CCNY: variants seen among roughly 807,000 people sequenced by gnomAD.
The protein encoded by CCNY is cyclin-Y.
In CCNY, 19 loss-of-function variants were observed where a neutral mutation model predicts 42.8. The ratio of observed to expected loss-of-function variants is 0.44; its 90% confidence interval spans 0.31 to 0.65. The LOEUF is 0.65. Among genes scored for constraint, CCNY ranks in the 30% least tolerant of loss-of-function variants. The pLI is 0.07. For synonymous variants in CCNY, 165 were observed against 162.7 expected (o/e 1.01, Z -0.11); for missense variants, 370 against 437.3 (o/e 0.85, Z 1.37).
intron 2 of CCNY, among the ~76,000 whole-genome samples, chr10:35,497,726 CAAAAAAAAA>C (rs34502756): frequency 2.7e-5 from 2 of 73,588 alleles, no homozygotes; most frequent in African/African-American, 9.8e-5. Flanking sequence ...GACTCCGTCT[CAAAAAAAAA>C]AAAAAAAAAA....
intron 3 of CCNY, among the ~76,000 whole-genome samples, chr10:35,321,709 T>C (rs1302333747): frequency 6.6e-6 from 1 of 152,144 alleles, no homozygotes; most frequent in African/African-American, 2.4e-5. Context: ...GGCACTTACA[T>C]AACTTATTCT....
intron 1 of CCNY, among the ~76,000 whole-genome samples, chr10:35,426,105 G>GCACACACACACA (rs1356511719): frequency 3.5e-5 from 2 of 57,970 alleles, no homozygotes; most frequent in African/African-American, 4.8e-5. Context: ...CACTGGTCCA[G>GCACACACACACA]CACGCGCACA....
intron 3 of CCNY, among the ~76,000 whole-genome samples, chr10:35,267,037 G>A (rs2095726240): frequency 2.0e-5 from 3 of 150,610 alleles, no homozygotes; most frequent in Non-Finnish European, 1.5e-5. Flanking sequence ...AGCTGAGATC[G>A]TGCCATTGCA....
chr10:35,273,023 G>A (rs1354711744), intron 3 of CCNY, among the ~76,000 whole-genome samples: 3 of 151,696 alleles, frequency 2.0e-5, no homozygotes, highest in African/African-American at 7.3e-5. Flanking sequence ...ATGATCAGTG[G>A]TGTTGAGCTT....
intron 7 of CCNY, among the ~76,000 whole-genome samples, chr10:35,549,641 C>T (rs1589198792): frequency 7.0e-6 from 1 of 143,484 alleles, no homozygotes; most frequent in Admixed American, 6.8e-5. Context: ...GCTCGTGACC[C>T]TGCGCTGCTC....
At chr10:35,466,747 C>T (rs897720532) in intron 1 of CCNY, among the ~76,000 whole-genome samples, 2 of 152,048 alleles carry the variant, frequency 1.3e-5, no homozygotes, top group Non-Finnish European at 2.9e-5. Context: ...CTGGCAAAGC[C>T]GCAACTAAAT....
At chr10:35,363,236 G>C (rs557171219) in intron 1 of CCNY, among the ~76,000 whole-genome samples, 42 of 146,378 alleles carry the variant, frequency 2.9e-4, no homozygotes, top group African/African-American at 1.1e-3. Context: ...TGGAGTGGCC[G>C]GCAGAGGCGC....
chr10:35,255,056 C>G (rs954388740), intron 3 of CCNY, among the ~76,000 whole-genome samples: 1 of 152,094 alleles, frequency 6.6e-6, no homozygotes, highest in East Asian at 1.9e-4. Context: ...GAGTGTGTAT[C>G]CTGTTGTTGC....
At chr10:35,509,751 T>G (rs1307196119) in intron 3 of CCNY, among the ~76,000 whole-genome samples, 1 of 152,242 alleles carries the variant, frequency 6.6e-6, no homozygotes, top group East Asian at 1.9e-4. Context: ...CGCATGGGCA[T>G]CCCCCTGTGA....
chr10:35,511,901 A>C (rs1189924348), intron 3 of CCNY, among the ~76,000 whole-genome samples: 1 of 152,230 alleles, frequency 6.6e-6, no homozygotes. Flanking sequence ...GAACGTCAGA[A>C]CCATCTAGGC....
intron 9 of CCNY, among the ~76,000 whole-genome samples, chr10:35,566,861 A>G (rs138113066): frequency 0.011 from 1,664 of 151,352 alleles, 26 homozygotes; most frequent in African/African-American, 0.038. Flanking sequence ...GTGCACCACC[A>G]CGCCCAGCTA....
At chr10:35,268,357 C>T (rs115043653) in intron 3 of CCNY, among the ~76,000 whole-genome samples, 1 of 152,136 alleles carries the variant, frequency 6.6e-6, no homozygotes, top group Non-Finnish European at 1.5e-5. Context: ...CTACCAACAA[C>T]GACAAACAAC....
At chr10:35,440,316 T>C (rs1394903361) in intron 1 of CCNY, among the ~76,000 whole-genome samples, 2 of 152,242 alleles carry the variant, frequency 1.3e-5, no homozygotes, top group Non-Finnish European at 2.9e-5. Context: ...ACCCCTGTGC[T>C]GTTTCTCATG....
At chr10:35,494,294 T>G (rs1343777090) in intron 2 of CCNY, among the ~76,000 whole-genome samples, 2 of 146,122 alleles carry the variant, frequency 1.4e-5, no homozygotes, top group African/African-American at 5.0e-5. Context: ...AAGAGTTGCT[T>G]CAACACACCT....
At chr10:35,392,369 C>G (rs186506928) in intron 1 of CCNY, among the ~76,000 whole-genome samples, 1 of 152,294 alleles carries the variant, frequency 6.6e-6, no homozygotes, top group African/African-American at 2.4e-5. Flanking sequence ...TAGAGTGACC[C>G]AGGCCAGGCT....
At chr10:35,418,375 T>C (rs1838072809) in intron 1 of CCNY, among the ~76,000 whole-genome samples, 1 of 152,012 alleles carries the variant, frequency 6.6e-6, no homozygotes, top group Non-Finnish European at 1.5e-5. Context: ...ACTGCAAAGC[T>C]CTCTTCTACC....
At chr10:35,565,910 G>A (rs1414442280) in intron 8 of CCNY, 113 bp from the exon 9 acceptor site, 1 of 1,024,196 alleles carries the variant, frequency 9.8e-7, no homozygotes, top group East Asian at 2.4e-5. Flanking sequence ...TAGATCACTG[G>A]TCTTCCTGGA....
intron 1 of CCNY, among the ~76,000 whole-genome samples, chr10:35,384,418 A>G (rs1837258715): frequency 6.6e-6 from 1 of 152,206 alleles, no homozygotes; most frequent in African/African-American, 2.4e-5. Flanking sequence ...TCAACACTTT[A>G]CCTAGATAAG....
chr10:35,476,529 A>ATGAC (rs890992670), intron 1 of CCNY, among the ~76,000 whole-genome samples: 4 of 152,238 alleles, frequency 2.6e-5, no homozygotes, highest in Middle Eastern at 3.4e-3. Flanking sequence ...CTGCTCCTGA[A>ATGAC]TGACTACTGG....
Sources: allele counts gnomAD v4.1 joint callset (sites outside exome capture counted in the v4.1 genomes callset), GRCh38; gene constraint gnomAD v4.1.1; transcripts MANE v1.5; gene names NCBI Gene and HGNC (gene_info 2026-07-23, HGNC 2026-07-21).